The following RIMS3 variants were observed in gnomAD, a reference collection of about 807,000 sequenced individuals.
RIMS3 encodes regulating synaptic membrane exocytosis 3, also known as regulating synaptic membrane exocytosis protein 3.
In RIMS3, 15 loss-of-function variants were observed where a neutral mutation model predicts 29.2. That is an observed-to-expected ratio of 0.51 (90% CI 0.34 to 0.79). The LOEUF (loss-of-function observed/expected upper bound fraction) is 0.79, where lower values mean the gene tolerates loss of function less well. RIMS3 is among the 30% of genes least tolerant of loss of function. The pLI is 0.01. For missense variants in RIMS3, 342 were observed against 421.4 expected (o/e 0.81, Z 1.65); for synonymous variants, 161 against 170.1 (o/e 0.95, Z 0.41).
rs1439362937 is a variant in RIMS3, at chr1:40,624,129, C to T, written c.*2388G>A. 1.3e-5 allele frequency: 2 copies of T among 152,226 alleles called. No individual in the cohort carries two copies. The highest frequency in any genetic ancestry group is 2.9e-5 in the Non-Finnish European group (2 of 68,116). 9.4% of individuals were successfully genotyped at this position (152,226 alleles called of 1,614,324 possible). A position where few individuals can be genotyped will look rare whatever the true frequency, so the allele number is the denominator to read the frequency against. On this transcript the variant is annotated 3_prime_UTR_variant, in exon 8 of 8. Coordinates refer to ENST00000372684, the MANE Select transcript of RIMS3 (RefSeq NM_014747.3). ...GCAAGGGTCACCACGGCCTGGAACC[C>T]CCAGTGGCAGGCCTCTCTGCAGGCA...
chr1:40,651,837 A>G (rs1481346813), intron 1 of RIMS3, among the ~76,000 whole-genome samples: 2 of 152,150 alleles, frequency 1.3e-5, no homozygotes, highest in African/African-American at 4.8e-5. Context: ...TAATGTTATA[A>G]TAAAGAAAAA....
At chr1:40,632,622 G>A (rs1646496822) in intron 5 of RIMS3, among the ~76,000 whole-genome samples, 1 of 151,672 alleles carries the variant, frequency 6.6e-6, no homozygotes. Context: ...GCAACTCTGT[G>A]GAATTTTTTT....
At chr1:40,677,001 A>AT in the RIMS3 span, among the ~76,000 whole-genome samples, 1,822 of 143,746 alleles carry the variant, frequency 0.013, 19 homozygotes, top group African/African-American at 0.026. Flanking sequence ...AACAGGTGGA[A>AT]TTTTTTTTTT....
At chr1:40,675,407 A>C in the RIMS3 span, among the ~76,000 whole-genome samples, 2 of 152,256 alleles carry the variant, frequency 1.3e-5, no homozygotes, top group Non-Finnish European at 2.9e-5. Context: ...GGATCACTTG[A>C]GTCCAGGAAT....
chr1:40,686,676 A>C, the RIMS3 span, among the ~76,000 whole-genome samples: 34 of 152,122 alleles, frequency 2.2e-4, no homozygotes, highest in African/African-American at 5.3e-4. Context: ...AACAAAAAAA[A>C]CCCTTAATTT....
Position 40,629,309 on chromosome 1 carries a change from C to T in RIMS3, c.536G>A (p.Arg179Gln), listed in dbSNP as rs537654094. ...GGAGCCTGGTTTGGGGGTCAGGCCC[C>T]GAGCTTCAATCACTTCCACCTCCAG... Reference protein sequence around the residue: ...GQLEVEVIEARGLTPKPGSKS... With the variant: ...GQLEVEVIEAQGLTPKPGSKS... The change falls in exon 6 of 8, where the codon CGG becomes CAG. Residue 179 changes from arginine (R) to glutamine (Q), a missense_variant. Coordinates refer to ENST00000372684, the MANE Select transcript of RIMS3 (RefSeq NM_014747.3). 28 of 1,614,158 alleles carry T rather than the reference C, an allele frequency of 1.7e-5. No individual in the cohort carries two copies. The highest frequency in any genetic ancestry group is 5.0e-5 in the Admixed American group (3 of 60,024).
chr1:40,671,099 G>C, the RIMS3 span, among the ~76,000 whole-genome samples: 25 of 152,276 alleles, frequency 1.6e-4, no homozygotes, highest in Middle Eastern at 3.4e-3. Flanking sequence ...GGAAATTGGA[G>C]AGATTTTGTG....
chr1:40,665,371 G>A (rs1282181497), intron 1 of RIMS3, 23 bp downstream of exon 1: 5 of 152,140 alleles, frequency 3.3e-5, no homozygotes, highest in Non-Finnish European at 4.4e-5. Flanking sequence ...CCACTCCCAG[G>A]CGAGCAAGGC....
chr1:40,685,306 TAA>T, the RIMS3 span, among the ~76,000 whole-genome samples: 7 of 19,848 alleles, frequency 3.5e-4, no homozygotes, highest in Non-Finnish European at 5.1e-4. Flanking sequence ...TTATATATAT[TAA>T]TATATATAAT....
At chr1:40,678,387 G>A in the RIMS3 span, among the ~76,000 whole-genome samples, 19 of 152,332 alleles carry the variant, frequency 1.2e-4, no homozygotes, top group African/African-American at 4.6e-4. Flanking sequence ...CATCCTGGGT[G>A]ACAGAGTGAG....
chr1:40,644,007 A>C (rs1186623676), intron 2 of RIMS3, among the ~76,000 whole-genome samples: 2 of 150,558 alleles, frequency 1.3e-5, no homozygotes, highest in Non-Finnish European at 3.0e-5. Context: ...TCACCTTAGC[A>C]ACTCTTACTT....
At chr1:40,628,027 C>A (rs1646465961) in intron 7 of RIMS3, among the ~76,000 whole-genome samples, 2 of 152,336 alleles carry the variant, frequency 1.3e-5, no homozygotes, top group East Asian at 1.9e-4. Flanking sequence ...TTCTCTCTCA[C>A]CTCCATGGCC....
Position 40,647,672 on chromosome 1 carries a change from CT to C in RIMS3, c.-37del, listed in dbSNP as rs1485111268. 6.6e-6 allele frequency: 1 copy of C among 152,222 alleles called. No homozygotes were observed. The highest frequency in any genetic ancestry group is 1.5e-5 in the Non-Finnish European group (1 of 68,068). 9.4% of individuals were successfully genotyped at this position (152,222 alleles called of 1,614,324 possible). On this transcript the variant is annotated 5_prime_UTR_variant, in exon 2 of 8. The change creates a premature stop within an existing upstream ORF in the 5' untranslated region. Coordinates refer to ENST00000372684, the MANE Select transcript of RIMS3 (RefSeq NM_014747.3). ...CTGGAAGAAAACCCAACTCACCGAA[CT>C]GATGAATCTGAGCCTGGTGTTCCGC...
the RIMS3 span, among the ~76,000 whole-genome samples, chr1:40,685,334 TAATTATATTA>T: frequency 6.7e-4 from 43 of 64,322 alleles, no homozygotes; most frequent in African/African-American, 2.6e-3. Flanking sequence ...ATATATAATA[TAATTATATTA>T]TATATATATT....
intron 3 of RIMS3, among the ~76,000 whole-genome samples, chr1:40,638,440 C>T (rs1009090209): frequency 1.3e-5 from 2 of 152,206 alleles, no homozygotes; most frequent in African/African-American, 4.8e-5. Flanking sequence ...ATCTCTCTCT[C>T]AGTTGCTTGC....
chr1:40,678,102 G>T, the RIMS3 span, among the ~76,000 whole-genome samples: 1 of 152,130 alleles, frequency 6.6e-6, no homozygotes, highest in Non-Finnish European at 1.5e-5. Flanking sequence ...CCCTCCCTCA[G>T]TATCTCTAAA....
chr1:40,628,939 G>C lies in RIMS3; in HGVS notation c.585C>G (p.Ile195Met). The change falls in exon 7 of 8, where the codon ATC becomes ATG. Residue 195 changes from isoleucine (I) to methionine (M), a missense_variant. Physicochemically the swap from Ile to Met is conservative, Grantham distance 10. Transcript: ENST00000372684. ...CCCCATTCTCCAGCAGGTAAACCTT[G>C]ATATAGGTGGCTAAGGGAGGAGAGA... ...PGSKSLPATY[I>M]KVYLLENGAC... 8 of 1,613,236 alleles carry C rather than the reference G, an allele frequency of 5.0e-6. No homozygotes were observed. Among genetic ancestry groups the C allele is most frequent in the Non-Finnish European group, 6.8e-6 (8 of 1,180,006 alleles).
chr1:40,628,202 C>G (rs946585245), intron 7 of RIMS3, among the ~76,000 whole-genome samples: 3 of 152,230 alleles, frequency 2.0e-5, no homozygotes, highest in African/African-American at 7.2e-5. Flanking sequence ...GGACTGAGCC[C>G]AGAGACTGAT....
chr1:40,678,220 C>T, the RIMS3 span, among the ~76,000 whole-genome samples: 1 of 152,098 alleles, frequency 6.6e-6, no homozygotes, highest in African/African-American at 2.4e-5. Context: ...CTGTCCTGGC[C>T]CACATGGTGA....
Sources: allele counts gnomAD v4.1 joint callset (sites outside exome capture counted in the v4.1 genomes callset), GRCh38; gene constraint gnomAD v4.1.1; transcripts MANE v1.5; gene names NCBI Gene and HGNC (gene_info 2026-07-23, HGNC 2026-07-21).